The following GLT1D1 variants were observed in gnomAD, a reference collection of about 807,000 sequenced individuals.
GLT1D1 encodes the protein glycosyltransferase 1 domain containing 1, also known as glycosyltransferase 1 domain-containing protein 1.
A neutral mutation model predicts 28.7 loss-of-function variants in GLT1D1; 21 were observed. The ratio of observed to expected loss-of-function variants is 0.73; its 90% CI spans 0.52 to 1.05. GLT1D1 has a LOEUF of 1.05. GLT1D1 is among the 50% of genes least tolerant of loss of function. GLT1D1 has a pLI of 0.00. For synonymous variants in GLT1D1, 147 were observed against 124.8 expected, an observed-to-expected ratio of 1.18 and a Z score of -1.19; for missense variants, 343 against 330.6, an observed-to-expected ratio of 1.04 and a Z score of -0.29.
intron 6 of GLT1D1, among the ~76,000 whole-genome samples, chr12:128,952,069 G>C (rs564856381): frequency 6.6e-6 from 1 of 152,076 alleles, no homozygotes; most frequent in Non-Finnish European, 1.5e-5. Flanking sequence ...TAGAGTGCCA[G>C]GTCTGCCAGG....
At chr12:128,857,163 G>A (rs1956243827) in intron 1 of GLT1D1, among the ~76,000 whole-genome samples, 1 of 152,144 alleles carries the variant, frequency 6.6e-6, no homozygotes. Flanking sequence ...CCAACTCAGA[G>A]GTGAATTAAT....
chr12:128,895,165 A>T (rs1019850500), intron 3 of GLT1D1, among the ~76,000 whole-genome samples: 2 of 150,754 alleles, frequency 1.3e-5, no homozygotes, highest in Non-Finnish European at 3.0e-5. Flanking sequence ...TTCCTTTATA[A>T]TTTTTTTTTG....
chr12:128,855,258 A>ACAAC (rs1231402961), intron 1 of GLT1D1, among the ~76,000 whole-genome samples: 1 of 151,254 alleles, frequency 6.6e-6, no homozygotes, highest in African/African-American at 2.4e-5. Flanking sequence ...AACAACAACA[A>ACAAC]AAAAAACAAA....
intron 4 of GLT1D1, 30 bp from the exon 9 acceptor site, chr12:128,945,296 C>G: frequency 6.2e-7 from 1 of 1,612,992 alleles, no homozygotes; most frequent in African/African-American, 1.3e-5. Flanking sequence ...CAGGCGGCGA[C>G]CGCTGACATT....
intron 1 of GLT1D1, among the ~76,000 whole-genome samples, chr12:128,869,583 T>C (rs1409870175): frequency 6.6e-6 from 1 of 152,092 alleles, no homozygotes; most frequent in Admixed American, 6.6e-5. Context: ...AATTTATATA[T>C]TTACGTATAA....
Position 128,927,999 on chromosome 12 carries a change from CAAAA to C in GLT1D1, c.376-17304_376-17301del, listed in dbSNP as rs938188484. Among the ~76,000 whole-genome samples, 420 of 42,216 alleles carry C rather than the reference CAAAA, an allele frequency of 9.9e-3. 4 individuals are homozygous for C. The highest frequency in any genetic ancestry group is 0.045 in the African/African-American group (398 of 8,836). The allele number at this position is 42,216 out of a possible 152,430, so 27.7% of individuals were successfully genotyped here. On this transcript the variant is annotated intron_variant, in intron 4 of 7. Coordinates refer to ENST00000281703, the MANE Select transcript of GLT1D1 (RefSeq NM_144669.3). ...TGGCCGACAGAGCAAGACTCTGTCT[CAAAA>C]AAAAAAAAAAAAAAAAAAAAAACAA...
intron 7 of GLT1D1, among the ~76,000 whole-genome samples, chr12:128,982,513 T>G (rs1880416448): frequency 6.6e-6 from 1 of 152,126 alleles, no homozygotes; most frequent in South Asian, 2.1e-4. Flanking sequence ...TGTATGGGGC[T>G]CAGACTCTGG....
chr12:128,950,598 G>C (rs138455262), intron 6 of GLT1D1, among the ~76,000 whole-genome samples: 24 of 152,252 alleles, frequency 1.6e-4, no homozygotes, highest in African/African-American at 5.3e-4. Context: ...ATAAATACAG[G>C]TGATGGTGCC....
intron 4 of GLT1D1, among the ~76,000 whole-genome samples, chr12:128,911,367 C>G (rs1033094726): frequency 1.3e-5 from 2 of 152,196 alleles, no homozygotes; most frequent in Non-Finnish European, 2.9e-5. Context: ...AAATATAAAA[C>G]TGAAGTGGGG....
At chr12:128,929,354 C>T (rs1454429172) in intron 4 of GLT1D1, among the ~76,000 whole-genome samples, 1 of 152,206 alleles carries the variant, frequency 6.6e-6, no homozygotes, top group African/African-American at 2.4e-5. Context: ...GCACTGACTC[C>T]AAGCAGTTTG....
Position 128,866,365 on chromosome 12 carries a change from G to A in GLT1D1, c.69-9549G>A, listed in dbSNP as rs78001456. ...ATTACAGGTGTGAGGCACTGCGCCC[G>A]GCAATTGTACTTATTATTTTTTGTA... On this transcript the variant is annotated intron_variant, in intron 1 of 7. Coordinates refer to ENST00000281703, the MANE Select transcript of GLT1D1 (RefSeq NM_144669.3). Among the ~76,000 whole-genome samples the A allele has an allele frequency of 3.7e-3, 566 of 152,012 alleles. 5 individuals are homozygous for A. The highest frequency in any genetic ancestry group is 0.012 in the African/African-American group (513 of 41,394).
At chr12:128,896,705 G>A (rs528477506) in intron 3 of GLT1D1, among the ~76,000 whole-genome samples, 1 of 150,720 alleles carries the variant, frequency 6.6e-6, no homozygotes, top group Non-Finnish European at 1.5e-5. Context: ...TCAGCGTACC[G>A]AGTAGCTGGG....
Position 128,894,374 on chromosome 12 carries a change from A to C in GLT1D1, c.324-4862A>C, listed in dbSNP as rs139030395. ...ATCTGCCATTTTTGGGTCCTGCTGC[A>C]GGGAAGGAATCATCCTTTCCTGGTT... On this transcript the variant is annotated intron_variant, in intron 3 of 7. Coordinates refer to ENST00000281703, the MANE Select transcript of GLT1D1 (RefSeq NM_144669.3). Among the ~76,000 whole-genome samples the C allele has an allele frequency of 3.0e-3, 464 of 152,272 alleles. 2 individuals carry two copies. Among genetic ancestry groups the C allele is most frequent in the African/African-American group, 0.011 (438 of 41,536 alleles).
intron 6 of GLT1D1, among the ~76,000 whole-genome samples, chr12:128,952,676 T>A (rs1295739537): frequency 6.6e-6 from 1 of 150,572 alleles, no homozygotes; most frequent in East Asian, 2.0e-4. Flanking sequence ...GGTTTCTCCA[T>A]GTTGGTCAGT....
intron 4 of GLT1D1, among the ~76,000 whole-genome samples, chr12:128,936,391 T>C (rs1358174124): frequency 6.6e-6 from 1 of 152,164 alleles, no homozygotes; most frequent in African/African-American, 2.4e-5. Context: ...CCTGAACTGG[T>C]GATCCGCCTG....
chr12:128,941,666 G>A (rs750060974), intron 4 of GLT1D1, among the ~76,000 whole-genome samples: 1 of 143,216 alleles, frequency 7.0e-6, no homozygotes, highest in African/African-American at 2.6e-5. Context: ...TCCGCACCCC[G>A]GGTTCAAGCG....
intron 6 of GLT1D1, among the ~76,000 whole-genome samples, chr12:128,951,063 T>C (rs1404404858): frequency 6.6e-6 from 1 of 152,178 alleles, no homozygotes; most frequent in African/African-American, 2.4e-5. Context: ...AATGCATATG[T>C]TAATTAGCTT....
chr12:128,875,921 C>T lies in GLT1D1; in HGVS notation c.76C>T (p.Leu26=). 1 of 1,613,646 alleles carries T rather than the reference C, an allele frequency of 6.2e-7. No homozygotes were observed. The highest frequency in any genetic ancestry group is 8.5e-7 in the Non-Finnish European group (1 of 1,179,828). The change falls in exon 2 of 8, where the codon CTA becomes TTA. Residue 26 remains leucine, a synonymous_variant. Coordinates refer to ENST00000281703, the MANE Select transcript of GLT1D1 (RefSeq NM_144669.3). Reference sequence around the variant, plus strand: ...CTGTATTTTTTGATAAAGGGCCCATCTAGAGGCTGCAGGGCACGTGTGCGT... The same window carrying T: ...CTGTATTTTTTGATAAAGGGCCCATTTAGAGGCTGCAGGGCACGTGTGCGT...
intron 3 of GLT1D1, among the ~76,000 whole-genome samples, chr12:128,899,001 A>G (rs986584484): frequency 2.0e-5 from 3 of 152,210 alleles, no homozygotes; most frequent in African/African-American, 4.8e-5. Flanking sequence ...CGTGGAAGGA[A>G]GAGAAAAAAT....
Sources: gnomAD v4.1 joint callset for allele counts (sites outside exome capture counted in the v4.1 genomes callset) on GRCh38, gnomAD v4.1.1 for gene constraint, MANE v1.5 for transcripts, NCBI Gene and HGNC (gene_info 2026-07-23, HGNC 2026-07-21) for gene names.